The following SCAI variants were observed in gnomAD, a reference collection of about 807,000 sequenced individuals.
SCAI encodes suppressor of cancer cell invasion, also known as protein SCAI.
SCAI carries 24 observed loss-of-function variants against 92.2 expected under a neutral mutation model. That is an observed-to-expected ratio of 0.26 (90% confidence interval 0.19 to 0.37). The LOEUF (loss-of-function observed/expected upper bound fraction) is 0.37. Among genes scored for constraint, SCAI ranks in the 10% least tolerant of loss-of-function variants. SCAI has a pLI of 1.00. For missense variants in SCAI, 450 were observed against 736.2 expected (o/e 0.61, Z 4.50); for synonymous variants, 261 against 258.6 (o/e 1.01, Z -0.09).
At chr9:125,065,999 A>T in intron 2 of SCAI, 2 of 770,654 alleles carry the variant, frequency 2.6e-6, no homozygotes, top group Non-Finnish European at 4.8e-6. Context: ...CTTTTCAGTG[A>T]AATGTTGATA....
At chr9:125,013,203 G>A (rs1293547224) in intron 9 of SCAI, among the ~76,000 whole-genome samples, 1 of 151,414 alleles carries the variant, frequency 6.6e-6, no homozygotes, top group African/African-American at 2.4e-5. Flanking sequence ...AGGAAATAGA[G>A]ACACAAAAAA....
chr9:125,061,777 C>T (rs952967593), intron 2 of SCAI, among the ~76,000 whole-genome samples: 10 of 149,026 alleles, frequency 6.7e-5, no homozygotes, highest in African/African-American at 9.9e-5. Flanking sequence ...AGAAATGAAA[C>T]GAAGAAAAGA....
Position 124,952,352 on chromosome 9 carries a change from A to T in SCAI, c.*455T>A, listed in dbSNP as rs979031907. On this transcript the variant is annotated 3_prime_UTR_variant, in exon 18 of 18. Coordinates refer to ENST00000336505, the MANE Select transcript of SCAI (RefSeq NM_001144877.3). ...ACCAGCTAAGTTGGAATGAGAAAAA[A>T]TATATTATGGAGGGACTCTGTTCTT... The T allele has an allele frequency of 3.3e-5, 5 of 152,316 alleles. No homozygotes were observed. The highest frequency in any genetic ancestry group is 1.2e-4 in the African/African-American group (5 of 41,456). The allele number at this position is 152,316 out of a possible 1,614,324, so 9.4% of individuals were successfully genotyped here.
intron 6 of SCAI, among the ~76,000 whole-genome samples, chr9:125,020,987 T>C (rs552296250): frequency 2.0e-5 from 3 of 152,304 alleles, no homozygotes; most frequent in South Asian, 2.1e-4. Flanking sequence ...ATTGAGAACT[T>C]AGATGCATCA....
chr9:125,014,010 G>C (rs900680264), intron 9 of SCAI, among the ~76,000 whole-genome samples: 9 of 151,792 alleles, frequency 5.9e-5, no homozygotes, highest in African/African-American at 9.7e-5. Context: ...CAATAAATTA[G>C]GTATTGATGG....
chr9:124,993,764 G>A (rs903093092), intron 14 of SCAI, among the ~76,000 whole-genome samples: 1 of 151,988 alleles, frequency 6.6e-6, no homozygotes, highest in African/African-American at 2.4e-5. Context: ...TGTATACTTG[G>A]GGTCAGCTCT....
intron 2 of SCAI, among the ~76,000 whole-genome samples, chr9:125,094,107 A>T (rs1006459564): frequency 7.2e-5 from 11 of 152,184 alleles, no homozygotes; most frequent in Non-Finnish European, 1.0e-4. Context: ...CACAGCAGAC[A>T]AGATGATCTT....
At chr9:125,052,888 C>T (rs898455132) in intron 3 of SCAI, among the ~76,000 whole-genome samples, 1 of 151,174 alleles carries the variant, frequency 6.6e-6, no homozygotes, top group African/African-American at 2.4e-5. Flanking sequence ...ACACCATTTA[C>T]ATCCAGTAGC....
intron 2 of SCAI, among the ~76,000 whole-genome samples, chr9:125,089,197 C>T (rs1397756441): frequency 6.6e-6 from 1 of 152,156 alleles, no homozygotes; most frequent in Non-Finnish European, 1.5e-5. Context: ...ACTTGTAGTT[C>T]AGACTACCTC....
At chr9:124,956,385 A>G (rs527713609) in intron 17 of SCAI, among the ~76,000 whole-genome samples, 112 of 152,130 alleles carry the variant, frequency 7.4e-4, no homozygotes, top group Non-Finnish European at 1.3e-3. Context: ...CGCCTGGCTA[A>G]TTTTTGTATT....
intron 17 of SCAI, among the ~76,000 whole-genome samples, chr9:124,962,173 G>GA (rs1289760273): frequency 8.4e-6 from 1 of 118,552 alleles, no homozygotes; most frequent in African/African-American, 3.1e-5. Context: ...TTTTTTTTGC[G>GA]GGGGGGGATG....
chr9:125,042,983 A>G (rs2131112968), intron 3 of SCAI, among the ~76,000 whole-genome samples: 1 of 147,568 alleles, frequency 6.8e-6, no homozygotes, highest in African/African-American at 2.5e-5. Flanking sequence ...CTCATGCCTC[A>G]GCTTCCTGAG....
At chr9:125,098,100 G>A (rs1834601576) in intron 2 of SCAI, among the ~76,000 whole-genome samples, 1 of 151,556 alleles carries the variant, frequency 6.6e-6, no homozygotes, top group Non-Finnish European at 1.5e-5. Flanking sequence ...TGTTGCCCAG[G>A]CTAGGGTACA....
At chr9:125,070,094 C>G (rs1475200902) in intron 2 of SCAI, among the ~76,000 whole-genome samples, 1 of 152,164 alleles carries the variant, frequency 6.6e-6, no homozygotes, top group African/African-American at 2.4e-5. Context: ...CTATAAATTA[C>G]ACTATACCAT....
chr9:124,956,081 G>A (rs1293104211), intron 17 of SCAI, among the ~76,000 whole-genome samples: 5 of 151,798 alleles, frequency 3.3e-5, no homozygotes, highest in African/African-American at 7.3e-5. Context: ...GACATTACGA[G>A]AAAAATAAAA....
In SCAI at chr9:124,944,712, T is replaced by C. The variant is rs1159749409; in HGVS notation, c.*8095A>G. On this transcript the variant is annotated 3_prime_UTR_variant, in exon 18 of 18. Transcript: ENST00000336505. ...AATACAGTGGTTATCCCTCTATGGT[T>C]TGGAAGTATTTACTTTTGGGATTCT... 6.6e-6 allele frequency: 1 copy of C among 152,112 alleles called. No individual in the cohort carries two copies. The highest frequency in any genetic ancestry group is 1.5e-5 in the Non-Finnish European group (1 of 68,016). The allele number at this position is 152,112 out of a possible 1,614,324, so 9.4% of individuals were successfully genotyped here. A position where few individuals can be genotyped will look rare whatever the true frequency, so the allele number is the denominator to read the frequency against.
chr9:124,992,572 C>T (rs1832150968), intron 14 of SCAI, among the ~76,000 whole-genome samples: 1 of 151,772 alleles, frequency 6.6e-6, no homozygotes, highest in East Asian at 2.0e-4. Context: ...CCAGTAGAGA[C>T]GGGATTTCAC....
At chr9:125,141,769 T>G (rs966600791) in intron 2 of SCAI, among the ~76,000 whole-genome samples, 1 of 151,938 alleles carries the variant, frequency 6.6e-6, no homozygotes. Context: ...ACTAGATGCA[T>G]GATTTTGGGT....
chr9:125,073,399 C>T (rs758316874), intron 2 of SCAI, among the ~76,000 whole-genome samples: 4 of 152,204 alleles, frequency 2.6e-5, no homozygotes, highest in East Asian at 1.9e-4. Flanking sequence ...CCACCGCGCC[C>T]GGCCCTATTT....
Sources: gnomAD v4.1 joint callset for allele counts (sites outside exome capture counted in the v4.1 genomes callset) on GRCh38, gnomAD v4.1.1 for gene constraint, MANE v1.5 for transcripts, NCBI Gene and HGNC (gene_info 2026-07-23, HGNC 2026-07-21) for gene names.